The following SAMD12 variants were observed in gnomAD, a reference collection of about 807,000 sequenced individuals.
The protein encoded by SAMD12 is sterile alpha motif domain-containing protein 12.
SAMD12 carries 9 observed loss-of-function variants against 15.0 expected under a neutral mutation model. The ratio of observed to expected loss-of-function variants is 0.60; its 90% CI spans 0.36 to 1.05. SAMD12 has a LOEUF of 1.05. Among genes scored for constraint, SAMD12 ranks in the 50% least tolerant of loss-of-function variants. The probability of loss-of-function intolerance (pLI) is 0.01; values close to 1 mark genes in which losing one functional copy is unlikely to be tolerated. For missense variants in SAMD12, 230 were observed against 234.2 expected (o/e 0.98, Z 0.12); for synonymous variants, 86 against 90.1 (o/e 0.96, Z 0.25).
intron 3 of SAMD12, among the ~76,000 whole-genome samples, chr8:118,382,136 G>A (rs1162347348): frequency 1.3e-5 from 2 of 152,132 alleles, no homozygotes; most frequent in African/African-American, 2.4e-5. Flanking sequence ...CTTTATACAT[G>A]TCATAAACTT....
intron 2 of SAMD12, among the ~76,000 whole-genome samples, chr8:118,494,719 C>T (rs7827922): frequency 0.013 from 1,937 of 152,266 alleles, 30 homozygotes; most frequent in African/African-American, 0.042. Context: ...TTCTGTTGTG[C>T]TTCCCCAACA....
intron 3 of SAMD12, among the ~76,000 whole-genome samples, chr8:118,383,698 G>C (rs1185217041): frequency 2.0e-5 from 3 of 152,154 alleles, no homozygotes; most frequent in Non-Finnish European, 4.4e-5. Context: ...GTAATTAGGT[G>C]ACCTGGGCTG....
chr8:118,478,614 A>C (rs1824033329), intron 2 of SAMD12, among the ~76,000 whole-genome samples: 1 of 152,220 alleles, frequency 6.6e-6, no homozygotes, highest in East Asian at 1.9e-4. Flanking sequence ...TAACTTAGCA[A>C]ACATCATACA....
At chr8:118,202,439 A>C (rs1020266242) in intron 4 of SAMD12, among the ~76,000 whole-genome samples, 75 of 152,292 alleles carry the variant, frequency 4.9e-4, no homozygotes, top group Admixed American at 4.1e-3. Context: ...AGATTAGCGC[A>C]GCCCTTAACA....
At chr8:118,300,811 G>A (rs987372299) in intron 4 of SAMD12, among the ~76,000 whole-genome samples, 7 of 152,152 alleles carry the variant, frequency 4.6e-5, no homozygotes, top group Non-Finnish European at 7.3e-5. Flanking sequence ...GATAGGTAGC[G>A]CATGTTCATA....
chr8:118,621,614 A>G, intron 1 of SAMD12, 190 bp downstream of exon 1: 2 of 649,190 alleles, frequency 3.1e-6, no homozygotes, highest in East Asian at 2.7e-5. Context: ...ACGTCTCTCC[A>G]AAGCAACTGA....
chr8:118,429,964 A>G (rs572820264), intron 3 of SAMD12, among the ~76,000 whole-genome samples: 1 of 152,168 alleles, frequency 6.6e-6, no homozygotes, highest in African/African-American at 2.4e-5. Flanking sequence ...CTGTATAGAA[A>G]AAAGTTTTTT....
At position 118,379,043 on chromosome 8, in the gene SAMD12, A is replaced by C; in HGVS notation, c.*374T>G. The C allele has an allele frequency of 9.7e-7, 1 of 1,033,644 alleles. No homozygotes were observed. The highest frequency in any genetic ancestry group is 3.8e-5 in the South Asian group (1 of 26,038). The allele number at this position is 1,033,644 out of a possible 1,614,324, so 64.0% of individuals were successfully genotyped here. A position where few individuals can be genotyped will look rare whatever the true frequency, so the allele number is the denominator to read the frequency against. ...ATAATACATTCATGTATAGTAATAC[A>C]TATCTAAAATGTTTTTCTCCCACTA... On this transcript the variant is annotated 3_prime_UTR_variant, in exon 4 of 4. Transcript: ENST00000314727.
chr8:118,209,624 T>C (rs1252939874), intron 4 of SAMD12, among the ~76,000 whole-genome samples: 1 of 152,090 alleles, frequency 6.6e-6, no homozygotes, highest in African/African-American at 2.4e-5. Context: ...CAGCAGGATC[T>C]TGCAATTTAC....
intron 2 of SAMD12, among the ~76,000 whole-genome samples, chr8:118,491,756 T>C (rs1486102849): frequency 6.6e-6 from 1 of 152,140 alleles, no homozygotes; most frequent in Non-Finnish European, 1.5e-5. Context: ...TGAGAATCAA[T>C]CATATTGTTG....
intron 4 of SAMD12, among the ~76,000 whole-genome samples, chr8:118,301,124 G>T (rs923090192): frequency 4.6e-5 from 7 of 152,118 alleles, no homozygotes; most frequent in Non-Finnish European, 8.8e-5. Flanking sequence ...ACTAAGATGG[G>T]AATAAAACCC....
At chr8:118,554,043 G>T (rs1256842959) in intron 2 of SAMD12, among the ~76,000 whole-genome samples, 4 of 152,204 alleles carry the variant, frequency 2.6e-5, no homozygotes, top group South Asian at 2.1e-4. Flanking sequence ...ACAGGTGCTG[G>T]AGCGGATGTG....
exon 5 of SAMD12, chr8:118,193,960 C>T (rs1386862771): frequency 2.0e-5 from 3 of 152,094 alleles, no homozygotes; most frequent in Non-Finnish European, 4.4e-5. Context: ...GAAAACATCA[C>T]AAAGAACAAA....
At chr8:118,205,878 C>A (rs954840516) in intron 4 of SAMD12, among the ~76,000 whole-genome samples, 8 of 152,112 alleles carry the variant, frequency 5.3e-5, no homozygotes, top group Non-Finnish European at 1.0e-4. Flanking sequence ...AAAAGAATGC[C>A]CTTGTGTGCA....
At chr8:118,217,881 G>A (rs1009410089) in intron 4 of SAMD12, among the ~76,000 whole-genome samples, 1 of 152,162 alleles carries the variant, frequency 6.6e-6, no homozygotes, top group African/African-American at 2.4e-5. Context: ...TTCTGGATGT[G>A]CTGTTCCTAA....
At chr8:118,374,015 G>A (rs574571985), downstream of SAMD12, among the ~76,000 whole-genome samples, 7 of 152,020 alleles carry the variant, frequency 4.6e-5, no homozygotes, top group East Asian at 1.4e-3. Context: ...AAACCACATA[G>A]TACTAAATCT....
intron 2 of SAMD12, among the ~76,000 whole-genome samples, chr8:118,478,452 T>C (rs925382197): frequency 6.6e-6 from 1 of 152,234 alleles, no homozygotes; most frequent in Non-Finnish European, 1.5e-5. Flanking sequence ...CACAAAGTAA[T>C]GAACCTGCTG....
chr8:118,540,502 T>C (rs1183037852), intron 2 of SAMD12, among the ~76,000 whole-genome samples: 1 of 152,174 alleles, frequency 6.6e-6, no homozygotes, highest in Non-Finnish European at 1.5e-5. Context: ...TGTGTATATA[T>C]ACAGGGGTGT....
intron 2 of SAMD12, among the ~76,000 whole-genome samples, chr8:118,469,421 C>T (rs1823695714): frequency 7.8e-6 from 1 of 128,696 alleles, no homozygotes; most frequent in African/African-American, 2.9e-5. Flanking sequence ...GCACACCTAT[C>T]TTTAACCTTC....
Sources: allele counts gnomAD v4.1 joint callset (sites outside exome capture counted in the v4.1 genomes callset), GRCh38; gene constraint gnomAD v4.1.1; transcripts MANE v1.5; gene names NCBI Gene and HGNC (gene_info 2026-07-23, HGNC 2026-07-21).